The following ACTR8 variants were observed in gnomAD, a reference collection of about 807,000 sequenced individuals.
ACTR8 encodes actin related protein 8.
ACTR8 carries 70 observed loss-of-function variants against 84.3 expected under a neutral mutation model. That is an observed-to-expected ratio of 0.83 (90% CI 0.68 to 1.01). The LOEUF is 1.01. ACTR8 is among the 50% of genes least tolerant of loss of function. The probability of loss-of-function intolerance (pLI) is 0.00; values close to 1 mark genes in which losing one functional copy is unlikely to be tolerated. For synonymous variants in ACTR8, 268 were observed against 275.2 expected (o/e 0.97, Z 0.26); for missense variants, 672 against 775.4 (o/e 0.87, Z 1.58).
At chr3:53,871,136 T>A in intron 11 of ACTR8, 96 bp downstream of exon 11, 1 of 1,472,108 alleles carries the variant, frequency 6.8e-7, no homozygotes, top group South Asian at 1.3e-5. Flanking sequence ...TTTCAATGAA[T>A]ATGTTATACT....
intron 1 of ACTR8, among the ~76,000 whole-genome samples, chr3:53,880,449 G>C (rs1379310321): frequency 6.6e-6 from 1 of 152,208 alleles, no homozygotes; most frequent in Non-Finnish European, 1.5e-5. Context: ...TGAATTCACG[G>C]ATCTGTCTGC....
chr3:53,873,060 T>A lies in ACTR8; in HGVS notation c.1133A>T (p.Gln378Leu). 1 of 1,611,662 alleles carries A rather than the reference T, an allele frequency of 6.2e-7. No homozygotes were observed. Among genetic ancestry groups the A allele is most frequent in the East Asian group, 2.2e-5 (1 of 44,850 alleles). The change falls in exon 9 of 13, where the codon CAG becomes CTG. Residue 378 changes from glutamine (Q) to leucine (L), a missense_variant. Gln to Leu is a moderately radical substitution (Grantham distance 113, BLOSUM62 -2). Coordinates refer to ENST00000335754, the MANE Select transcript of ACTR8 (RefSeq NM_022899.5). Reference protein sequence around the residue: ...RHPDSPALLYQFRLGDEKLQA... With the variant: ...RHPDSPALLYLFRLGDEKLQA... ...CAGTTTTTCATCTCCTAATCGAAACTGGTAAAGCAGGGCAGGAGAATCAGG... is the reference window on the plus strand; with the variant it reads ...CAGTTTTTCATCTCCTAATCGAAACAGGTAAAGCAGGGCAGGAGAATCAGG...
At chr3:53,877,148 G>T in intron 5 of ACTR8, 66 bp downstream of exon 5, 2 of 1,452,924 alleles carry the variant, frequency 1.4e-6, no homozygotes, top group Non-Finnish European at 1.9e-6. Context: ...AAACAACTCG[G>T]TAACGTGTAC....
intron 5 of ACTR8, 28 bp downstream of exon 5, chr3:53,877,186 A>G: frequency 6.4e-7 from 1 of 1,562,686 alleles, no homozygotes; most frequent in Non-Finnish European, 8.7e-7. Flanking sequence ...CTTAAAAACA[A>G]TCCAAATAAC....
At chr3:53,875,104 ATAT>A (rs2107063519) in intron 7 of ACTR8, among the ~76,000 whole-genome samples, 1 of 152,358 alleles carries the variant, frequency 6.6e-6, no homozygotes, top group South Asian at 2.1e-4. Flanking sequence ...GACAGCTGCT[ATAT>A]TATTTTATTG....
At chr3:53,877,862 A>G in intron 3 of ACTR8, 111 bp from the exon 4 acceptor site, 1 of 853,820 alleles carries the variant, frequency 1.2e-6, no homozygotes, top group Non-Finnish European at 1.8e-6. Flanking sequence ...AATTTTAATC[A>G]CAAATATTTG....
downstream of ACTR8, chr3:53,865,417 T>G (rs1055745366): frequency 9.4e-5 from 75 of 799,824 alleles, no homozygotes; most frequent in Middle Eastern, 1.9e-3. Flanking sequence ...ACAGCCTTAG[T>G]AATTAAAACA....
At chr3:53,872,994 T>C (rs1283409910) in intron 9 of ACTR8, 38 bp downstream of exon 9, 1 of 1,497,216 alleles carries the variant, frequency 6.7e-7, no homozygotes, top group Non-Finnish European at 9.2e-7. Flanking sequence ...CCTGGATAAC[T>C]TTCTTTCTAC....
chr3:53,868,576 G>A lies in ACTR8; in HGVS notation c.*143C>T. ...GTTTATATTTTCAAACCAATGTCAT[G>A]TCCTCAACATAAAGTTCAAATTCAT... On this transcript the variant is annotated 3_prime_UTR_variant, in exon 13 of 13. Coordinates refer to ENST00000335754, the MANE Select transcript of ACTR8 (RefSeq NM_022899.5). The A allele has an allele frequency of 7.9e-7, 1 of 1,270,628 alleles. No homozygotes were observed. Among genetic ancestry groups the A allele is most frequent in the Non-Finnish European group, 1.1e-6 (1 of 935,004 alleles). The allele number at this position is 1,270,628 out of a possible 1,614,324, so 78.7% of individuals were successfully genotyped here.
chr3:53,880,625 A>G (rs1198546836), intron 1 of ACTR8, among the ~76,000 whole-genome samples: 1 of 152,210 alleles, frequency 6.6e-6, no homozygotes, highest in Non-Finnish European at 1.5e-5. Context: ...CTGCCTTCAC[A>G]AGAGGTCAGA....
At chr3:53,865,122 C>G (rs774053533), downstream of ACTR8, 1 of 1,614,144 alleles carries the variant, frequency 6.2e-7, no homozygotes, top group South Asian at 1.1e-5. Flanking sequence ...TTCATCTGCA[C>G]AAATACGTGG....
chr3:53,866,215 T>C (rs900335291), downstream of ACTR8, among the ~76,000 whole-genome samples: 7 of 152,152 alleles, frequency 4.6e-5, no homozygotes, highest in African/African-American at 1.4e-4. Context: ...GACCTCCATC[T>C]CTACAAAAGA....
chr3:53,868,727 C>A lies in ACTR8; in HGVS notation c.1867G>T (p.Val623Leu), dbSNP rs758113135. 1.2e-6 allele frequency: 2 copies of A among 1,613,936 alleles called. No individual in the cohort carries two copies. The highest frequency in any genetic ancestry group is 1.7e-6 in the Non-Finnish European group (2 of 1,179,982). Residue 623 changes from valine (V) to leucine (L), a missense_variant, in exon 13 of 13, where the codon GTG becomes TTG. Val to Leu is a conservative substitution (Grantham distance 32). Transcript: ENST00000335754. ...TGACATTTCCTCCCCATTCACCACA[C>A]AAACGCAGCCCGCTCTCGTAACATG... ...VRMLRERAAF[V>L]W
intron 8 of ACTR8, among the ~76,000 whole-genome samples, chr3:53,873,593 C>T (rs530081044): frequency 3.9e-5 from 6 of 152,278 alleles, no homozygotes; most frequent in Middle Eastern, 3.4e-3. Flanking sequence ...TCTGTTCTTA[C>T]ATATTTACCT....
the ACTR8 span, chr3:53,860,343 G>C: frequency 1.3e-6 from 1 of 751,560 alleles, no homozygotes; most frequent in East Asian, 2.5e-5. Flanking sequence ...GAGTTAGATA[G>C]CATTTATGTA....
downstream of ACTR8, among the ~76,000 whole-genome samples, chr3:53,866,485 A>T (rs1224324563): frequency 6.6e-6 from 1 of 151,840 alleles, no homozygotes; most frequent in Non-Finnish European, 1.5e-5. Flanking sequence ...TAAATTTTTT[A>T]AATTTTTTTT....
chr3:53,872,591 T>C (rs1316327662), intron 9 of ACTR8, 67 bp from the exon 10 acceptor site: 24 of 1,482,678 alleles, frequency 1.6e-5, no homozygotes, highest in African/African-American at 2.9e-5. Context: ...ATCCACTAAA[T>C]TCTGTTCTTC....
chr3:53,881,645 T>C, intron 1 of ACTR8: 1 of 428,164 alleles, frequency 2.3e-6, no homozygotes, highest in Non-Finnish European at 4.3e-6. Flanking sequence ...CACGGCAACT[T>C]GCGAGGCGGC....
In ACTR8 at chr3:53,877,229, T is replaced by C; in HGVS notation, c.669A>G (p.Pro223=). The C allele has an allele frequency of 6.2e-7, 1 of 1,602,094 alleles. No individual in the cohort carries two copies. The highest frequency in any genetic ancestry group is 8.5e-7 in the Non-Finnish European group (1 of 1,176,188). ...TTTAGCTCACCTTTAAATCTTTCAGTGGGATTTCCAAGTATTTTTGTATCG... is the reference window on the plus strand; with the variant it reads ...TTTAGCTCACCTTTAAATCTTTCAGCGGGATTTCCAAGTATTTTTGTATCG... ...SHAIQKYLEI[P]LKDLKYYRCI... is the part of the protein sequence containing the mutation. The change falls in exon 5 of 13, where the codon CCA becomes CCG. Residue 223 remains proline (P), a synonymous_variant. Coordinates refer to ENST00000335754, the MANE Select transcript of ACTR8 (RefSeq NM_022899.5).
Sources: gnomAD v4.1 joint callset for allele counts (sites outside exome capture counted in the v4.1 genomes callset) on GRCh38, gnomAD v4.1.1 for gene constraint, MANE v1.5 for transcripts, NCBI Gene and HGNC (gene_info 2026-07-23, HGNC 2026-07-21) for gene names.